The following KCTD4 variants were observed in gnomAD, a reference collection of about 807,000 sequenced individuals.
KCTD4 encodes the protein potassium channel tetramerization domain containing 4.
A neutral mutation model predicts 18.3 loss-of-function variants in KCTD4; 12 were observed. The ratio of observed to expected loss-of-function variants is 0.66; its 90% CI spans 0.42 to 1.06. KCTD4 has a LOEUF of 1.06. KCTD4 is among the 50% of genes least tolerant of loss of function. The pLI is 0.00. For synonymous variants in KCTD4, 124 were observed against 110.5 expected (o/e 1.12, Z -0.76); for missense variants, 250 against 303.4 (o/e 0.82, Z 1.31).
intron 1 of KCTD4, among the ~76,000 whole-genome samples, chr13:45,197,486 G>T (rs1037821058): frequency 5.5e-5 from 8 of 145,514 alleles, no homozygotes; most frequent in African/African-American, 2.1e-4. Flanking sequence ...TCCAGTCTGG[G>T]CAACACAGTA....
At chr13:45,197,547 G>A (rs1009591771) in intron 1 of KCTD4, among the ~76,000 whole-genome samples, 1 of 150,390 alleles carries the variant, frequency 6.6e-6, no homozygotes, top group African/African-American at 2.4e-5. Context: ...AGGCCCCGCT[G>A]TATGCCTAAT....
At chr13:45,199,237 T>C (rs186021576) in intron 1 of KCTD4, among the ~76,000 whole-genome samples, 13 of 152,308 alleles carry the variant, frequency 8.5e-5, no homozygotes, top group African/African-American at 3.1e-4. Context: ...CCCAGGAAAA[T>C]TGCCTACATT....
intron 1 of KCTD4, among the ~76,000 whole-genome samples, chr13:45,196,799 G>A (rs186621622): frequency 1.3e-3 from 194 of 152,308 alleles, no homozygotes; most frequent in African/African-American, 4.5e-3. Flanking sequence ...TGCTGTTGCT[G>A]TTGGAGGATA....
rs2138173180 is a variant in KCTD4 at position 45,194,186 on chromosome 13, A to T, written c.382T>A (p.Ser128Thr). 6.2e-7 allele frequency: 1 copy of T among 1,614,020 alleles called. No individual in the cohort carries two copies. The highest frequency in any genetic ancestry group is 8.5e-7 in the Non-Finnish European group (1 of 1,179,990). The change falls in exon 2 of 2, where the codon TCC becomes ACC. Residue 128 changes from serine (S) to threonine (T), a missense_variant. Physicochemically the swap from Ser to Thr is moderately conservative, Grantham distance 58 (BLOSUM62 1). Coordinates refer to ENST00000379108, the MANE Select transcript of KCTD4 (RefSeq NM_198404.3). ...GTTAGCTGTTCTTTCTCCCACCTGG[A>T]TTTCACTTCCTCTGCCAGTCCCTTG... is the stretch of plus-strand genomic sequence containing the variant. Reference protein sequence around the residue: ...QLKGLAEEVKSRWEKEQLTPR... With the variant: ...QLKGLAEEVKTRWEKEQLTPR...
chr13:45,199,387 A>C (rs528492981), intron 1 of KCTD4, among the ~76,000 whole-genome samples: 3 of 152,362 alleles, frequency 2.0e-5, no homozygotes, highest in African/African-American at 7.2e-5. Flanking sequence ...TTCACTACAG[A>C]GGCAATCTTG....
rs1419993893 is a variant in KCTD4 at position 45,194,769 on chromosome 13, A to G, written c.-187-15T>C. 1 of 575,456 alleles carries G rather than the reference A, an allele frequency of 1.7e-6. No homozygotes were observed. The highest frequency in any genetic ancestry group is 2.8e-5 in the East Asian group (1 of 35,540). 35.6% of individuals were successfully genotyped at this position (575,456 alleles called of 1,614,324 possible). A position where few individuals can be genotyped will look rare whatever the true frequency, so the allele number is the denominator to read the frequency against. On this transcript the variant is annotated splice_polypyrimidine_tract_variant and intron_variant, in intron 1 of 1. Coordinates refer to ENST00000379108, the MANE Select transcript of KCTD4 (RefSeq NM_198404.3). ...GCAGGAGCTTTCTGGAGTAAGACGG[A>G]AAAGAGAATTTGCATTTAACTGTAT... is the stretch of plus-strand genomic sequence containing the variant.
At chr13:45,198,864 GCTT>G (rs1295298242) in intron 1 of KCTD4, among the ~76,000 whole-genome samples, 1 of 151,894 alleles carries the variant, frequency 6.6e-6, no homozygotes, top group Non-Finnish European at 1.5e-5. Flanking sequence ...TTTTGTGTTG[GCTT>G]CTTTTGTGTG....
intron 1 of KCTD4, among the ~76,000 whole-genome samples, chr13:45,198,163 C>T: frequency 6.6e-6 from 1 of 152,204 alleles, no homozygotes; most frequent in East Asian, 1.9e-4. Context: ...TAAACTCTGG[C>T]AGAACCTTCC....
In KCTD4 at chr13:45,194,528, A is replaced by T. The variant is rs759102946; in HGVS notation, c.40T>A (p.Tyr14Asn). Residue 14 changes from tyrosine (Y) to asparagine (N), a missense_variant, in exon 2 of 2, where the codon TAT (tyrosine) becomes AAT (asparagine). By Grantham distance (143) the Tyr-to-Asn change is moderately radical. Transcript: ENST00000379108. ...TCCAGGCTGTTGTGTTTCCCTTCAT[A>T]CTCCTTTTCTTTTTCTCTTCTGTTT... ...KINRREKEKE[Y>N]EGKHNSLEDT... 1.2e-6 allele frequency: 2 copies of T among 1,611,982 alleles called. No individual in the cohort carries two copies. The highest frequency in any genetic ancestry group is 1.7e-6 in the Non-Finnish European group (2 of 1,179,342).
chr13:45,198,217 A>T (rs1225411218), intron 1 of KCTD4, among the ~76,000 whole-genome samples: 3 of 152,220 alleles, frequency 2.0e-5, no homozygotes, highest in African/African-American at 7.2e-5. Context: ...ATAAGGCAGA[A>T]CTCATTCCAG....
rs1166311717 is a variant in KCTD4, at chr13:45,193,870, T to C, written c.698A>G (p.Lys233Arg). ...GCTGGTCAGCAGTCTAAAGCCACACTTTAAAGCCATCATGATAGCCTCAAA... is the reference window on the plus strand; with the variant it reads ...GCTGGTCAGCAGTCTAAAGCCACACCTTAAAGCCATCATGATAGCCTCAAA... ...LKFEAIMMALKCGFRLLTSLD... is the reference protein window; with the variant it reads ...LKFEAIMMALRCGFRLLTSLD... Residue 233 changes from lysine (K) to arginine (R), a missense_variant, in exon 2 of 2, where the codon AAG (lysine) becomes AGG (arginine). By Grantham distance (26) the Lys-to-Arg change is conservative. Coordinates refer to ENST00000379108, the MANE Select transcript of KCTD4 (RefSeq NM_198404.3). 6.2e-7 allele frequency: 1 copy of C among 1,614,050 alleles called. No individual in the cohort carries two copies. The highest frequency in any genetic ancestry group is 1.7e-5 in the Admixed American group (1 of 59,996).
chr13:45,194,006 A>G lies in KCTD4; in HGVS notation c.562T>C (p.Ser188Pro). ...SRLDGFPEEF[S>P]ISSNIIQFKY... The stretch of plus-strand genomic sequence containing the variant: ...AATTGGATGATATTTGACGATATTG[A>G]AAACTCCTCTGGAAATCCATCCAGC... The change falls in exon 2 of 2, where the codon TCA (serine) becomes CCA (proline). Residue 188 changes from serine (S) to proline (P), a missense_variant. By Grantham distance (74) the Ser-to-Pro change is moderately conservative (BLOSUM62 -1). Transcript: ENST00000379108. The G allele has an allele frequency of 6.2e-7, 1 of 1,614,096 alleles. No homozygotes were observed. Among genetic ancestry groups the G allele is most frequent in the Non-Finnish European group, 8.5e-7 (1 of 1,179,952 alleles).
At chr13:45,199,910 C>G (rs1266492745) in intron 1 of KCTD4, among the ~76,000 whole-genome samples, 1 of 152,144 alleles carries the variant, frequency 6.6e-6, no homozygotes, top group African/African-American at 2.4e-5. Flanking sequence ...AGAAGAGGAT[C>G]TGAACAGGAG....
At chr13:45,199,532 A>G (rs1873072828) in intron 1 of KCTD4, among the ~76,000 whole-genome samples, 1 of 152,156 alleles carries the variant, frequency 6.6e-6, no homozygotes, top group Non-Finnish European at 1.5e-5. Flanking sequence ...TTTTTTTGAA[A>G]TATAACCTGT....
rs748470801 is a variant in KCTD4, at chr13:45,194,487, T to C, written c.81A>G (p.Gly27=). Residue 27 remains glycine, a synonymous_variant, in exon 2 of 2, where the codon GGA becomes GGG. Transcript: ENST00000379108. ...TCATCAGTGTGGATTTGCAGTTCTT[T>C]CCTTGATCAGTATCTTCCAGGCTGT... ...KHNSLEDTDQ[G]KNCKSTLMTL... is the part of the protein sequence containing the mutation. 1.2e-6 allele frequency: 2 copies of C among 1,614,184 alleles called. No homozygotes were observed. Among genetic ancestry groups the C allele is most frequent in the South Asian group, 1.1e-5 (1 of 91,084 alleles).
chr13:45,194,086 G>A lies in KCTD4; in HGVS notation c.482C>T (p.Ala161Val), dbSNP rs750333759. 10 of 1,613,928 alleles carry A rather than the reference G, an allele frequency of 6.2e-6. No homozygotes were observed. In the East Asian group the frequency reaches 1.6e-4, roughly 25 times the overall value. The part of the protein sequence containing the change: ...RSQGLRIFCN[A>V]PDFISKIKSR... ...CTTTATTTTTGATATGAAATCAGGAGCATTACAGAAGATTCTTAATCCTTG... is the reference window on the plus strand; with the variant it reads ...CTTTATTTTTGATATGAAATCAGGAACATTACAGAAGATTCTTAATCCTTG... Residue 161 changes from alanine (A) to valine (V), a missense_variant, in exon 2 of 2, where the codon GCT (alanine) becomes GTT (valine). Coordinates refer to ENST00000379108, the MANE Select transcript of KCTD4 (RefSeq NM_198404.3).
chr13:45,194,684 G>T lies in KCTD4; in HGVS notation c.-117C>A. 1.1e-6 allele frequency: 1 copy of T among 932,992 alleles called. No homozygotes were observed. The highest frequency in any genetic ancestry group is 1.6e-6 in the Non-Finnish European group (1 of 609,626). The allele number at this position is 932,992 out of a possible 1,614,324, so 57.8% of individuals were successfully genotyped here. A position where few individuals can be genotyped will look rare whatever the true frequency, so the allele number is the denominator to read the frequency against. On this transcript the variant is annotated 5_prime_UTR_variant, in exon 2 of 2. Coordinates refer to ENST00000379108, the MANE Select transcript of KCTD4 (RefSeq NM_198404.3). ...AGCCTGGTGATGGAATGGAAACGCT[G>T]GCAGCATCGCCTGCGCTGTCAGCTC... is the stretch of plus-strand genomic sequence containing the variant.
In KCTD4 at chr13:45,194,318, G is replaced by A. The variant is rs1423548060; in HGVS notation, c.250C>T (p.Leu84Phe). 6.2e-7 allele frequency: 1 copy of A among 1,614,142 alleles called. No homozygotes were observed. Among genetic ancestry groups the A allele is most frequent in the Middle Eastern group, 1.6e-4 (1 of 6,062 alleles). The part of the protein sequence containing the change: ...DGHYFIDRDG[L>F]LFRHVLNFLR... The stretch of plus-strand genomic sequence containing the variant: ...AAGTTTAGGACATGCCTGAAGAGGA[G>A]ACCATCCCTGTCTATGAAATAATGA... Residue 84 changes from leucine (L) to phenylalanine (F), a missense_variant, in exon 2 of 2, where the codon CTC becomes TTC. By Grantham distance (22) the Leu-to-Phe change is conservative. Coordinates refer to ENST00000379108, the MANE Select transcript of KCTD4 (RefSeq NM_198404.3).
chr13:45,196,405 G>A (rs1006482220), intron 1 of KCTD4, among the ~76,000 whole-genome samples: 1 of 152,110 alleles, frequency 6.6e-6, no homozygotes, highest in South Asian at 2.1e-4. Context: ...TGTTTGTCTT[G>A]ATTTTGCTTT....
Sources: gnomAD v4.1 joint callset for allele counts (sites outside exome capture counted in the v4.1 genomes callset) on GRCh38, gnomAD v4.1.1 for gene constraint, MANE v1.5 for transcripts, NCBI Gene and HGNC (gene_info 2026-07-23, HGNC 2026-07-21) for gene names.